Variants in DENND2C observed in about 807,000 individuals in gnomAD.
The protein encoded by DENND2C is DENN domain-containing protein 2C.
Under a neutral mutation model 112.4 loss-of-function variants are expected in DENND2C, and 72 were observed. That is an observed-to-expected ratio of 0.64 (90% CI 0.53 to 0.78). The LOEUF (loss-of-function observed/expected upper bound fraction) is 0.78. Ranked by LOEUF, DENND2C falls within the 30% of genes least tolerant of loss-of-function variation. The pLI is 0.00. For synonymous variants in DENND2C, 329 were observed against 381.6 expected, an observed-to-expected ratio of 0.86 and a Z score of 1.61; for missense variants, 992 against 1,113.8, an observed-to-expected ratio of 0.89 and a Z score of 1.56.
intron 4 of DENND2C, among the ~76,000 whole-genome samples, chr1:114,624,622 T>C (rs1656278747): frequency 1.3e-5 from 1 of 76,702 alleles, no homozygotes; most frequent in Admixed American, 1.2e-4. Context: ...TTTTCTTTTT[T>C]TCTTTTTTTT....
chr1:114,662,767 A>G (rs951745571), intron 1 of DENND2C, among the ~76,000 whole-genome samples: 2 of 152,096 alleles, frequency 1.3e-5, no homozygotes, highest in Non-Finnish European at 2.9e-5. Flanking sequence ...CCCAACCTAG[A>G]CAACGTATTG....
At chr1:114,613,852 A>C (rs1274272137) in intron 8 of DENND2C, among the ~76,000 whole-genome samples, 1 of 152,252 alleles carries the variant, frequency 6.6e-6, no homozygotes, top group Non-Finnish European at 1.5e-5. Flanking sequence ...GTCCTCTTTT[A>C]ATATGAGACT....
rs927955429 is a variant in DENND2C, at chr1:114,618,431, CCTT to C, written c.1276_1278del (p.Lys426del). The C allele has an allele frequency of 1.9e-6, 3 of 1,594,840 alleles. No individual in the cohort carries two copies. Among genetic ancestry groups the C allele is most frequent in the South Asian group, 1.1e-5 (1 of 87,432 alleles). On this transcript the variant is annotated inframe_deletion, in exon 8 of 21. Coordinates refer to ENST00000393274, the MANE Select transcript of DENND2C (RefSeq NM_001256404.2). ...TTTCCAGTGTAAGAATGTAACTTTA[CCTT>C]CTTCTTCCCTCTTTTAGATTCAAAT...
At chr1:114,617,436 G>A (rs558523943) in intron 8 of DENND2C, among the ~76,000 whole-genome samples, 32 of 152,112 alleles carry the variant, frequency 2.1e-4, no homozygotes, top group Non-Finnish European at 3.8e-4. Flanking sequence ...TCAGCCTCCT[G>A]AGTAGCTGGG....
Position 114,625,427 on chromosome 1 carries a change from T to C in DENND2C, c.558A>G (p.Gly186=), listed in dbSNP as rs1014766990. 15 of 1,614,056 alleles carry C rather than the reference T, an allele frequency of 9.3e-6. No individual in the cohort carries two copies. Among genetic ancestry groups the C allele is most frequent in the Non-Finnish European group, 3.4e-6 (4 of 1,180,038 alleles). ...AAATATTTTCTAAGCTCTTGGTTAT[T>C]CCGTATGAACTATCCAGAACTCTGA... ...LNFRVLDSSY[G]ITKSLENIYS... is the part of the protein sequence containing the mutation. The change falls in exon 4 of 21, where the codon GGA becomes GGG. Residue 186 remains glycine (G), a synonymous_variant. Coordinates refer to ENST00000393274, the MANE Select transcript of DENND2C (RefSeq NM_001256404.2).
At chr1:114,667,684 T>C (rs1411947705) in intron 1 of DENND2C, among the ~76,000 whole-genome samples, 1 of 152,200 alleles carries the variant, frequency 6.6e-6, no homozygotes, top group Non-Finnish European at 1.5e-5. Flanking sequence ...AAATAGTTTT[T>C]TATAGACCTC....
chr1:114,632,346 C>T (rs1170353522), intron 3 of DENND2C, among the ~76,000 whole-genome samples: 1 of 151,850 alleles, frequency 6.6e-6, no homozygotes, highest in Non-Finnish European at 1.5e-5. Context: ...AAGAAAGCCA[C>T]AAGGAAAACC....
At chr1:114,667,606 G>A (rs1384223470) in intron 1 of DENND2C, among the ~76,000 whole-genome samples, 1 of 151,966 alleles carries the variant, frequency 6.6e-6, no homozygotes, top group African/African-American at 2.4e-5. Context: ...TAATTACATC[G>A]TTTTAATTGC....
intron 1 of DENND2C, among the ~76,000 whole-genome samples, chr1:114,662,930 A>G (rs1019078540): frequency 3.3e-5 from 5 of 152,178 alleles, no homozygotes; most frequent in African/African-American, 1.2e-4. Flanking sequence ...ACTGCACTCC[A>G]GCCTGGGTGA....
chr1:114,618,518 A>AG (rs758282490), intron 7 of DENND2C, 36 bp from the exon 8 acceptor site: 1 of 1,346,776 alleles, frequency 7.4e-7, no homozygotes, highest in South Asian at 1.4e-5. Context: ...ATTAAGACCA[A>AG]CACCCAAAAG....
chr1:114,590,867 T>G (rs1337154294), intron 18 of DENND2C, among the ~76,000 whole-genome samples: 3 of 152,172 alleles, frequency 2.0e-5, no homozygotes, highest in Admixed American at 1.3e-4. Context: ...AACTACACTG[T>G]TGGGTTGTAG....
rs561626330 is a variant in DENND2C, at chr1:114,585,639, G to A, written c.2756-8C>T. 1.1e-4 allele frequency: 171 copies of A among 1,612,892 alleles called. No homozygotes were observed. Among genetic ancestry groups the A allele is most frequent in the Non-Finnish European group, 1.4e-4 (168 of 1,179,118 alleles). Reference sequence around the variant, plus strand: ...GAAATTTCATTTTGCTTCCTAAAGGGAAAGAAAAGTACAGTGAATGCTCAA... The same window carrying A: ...GAAATTTCATTTTGCTTCCTAAAGGAAAAGAAAAGTACAGTGAATGCTCAA... On this transcript the variant is annotated splice_region_variant and splice_polypyrimidine_tract_variant and intron_variant, in intron 20 of 20. Transcript: ENST00000393274.
At chr1:114,634,873 CA>C (rs1287281879) in intron 3 of DENND2C, among the ~76,000 whole-genome samples, 3 of 151,456 alleles carry the variant, frequency 2.0e-5, no homozygotes, top group Admixed American at 6.6e-5. Flanking sequence ...ATTAAAAATA[CA>C]AAAATTAGCC....
At chr1:114,600,746 G>A (rs1391532316) in intron 14 of DENND2C, 74 bp downstream of exon 14, 2 of 1,533,816 alleles carry the variant, frequency 1.3e-6, no homozygotes, top group East Asian at 2.3e-5. Context: ...ATCCCCTTGG[G>A]CTCTGGAAAC....
chr1:114,618,370 G>C lies in DENND2C; in HGVS notation c.1324+16C>G. The C allele has an allele frequency of 2.0e-6, 3 of 1,524,332 alleles. No individual in the cohort carries two copies. The South Asian group carries it at 3.7e-5, about 19-fold the overall frequency. 94.4% of individuals were successfully genotyped at this position (1,524,332 alleles called of 1,614,324 possible). A position where few individuals can be genotyped will look rare whatever the true frequency, so the allele number is the denominator to read the frequency against. ...CTGACAGCTACAGGATAGCTGGAAC[G>C]AAAAACAATTCTTACCTTTTGTCGG... On this transcript the variant is annotated intron_variant, in intron 8 of 20. Transcript: ENST00000393274.
At chr1:114,629,206 A>C (rs1207264639) in intron 3 of DENND2C, among the ~76,000 whole-genome samples, 1 of 152,050 alleles carries the variant, frequency 6.6e-6, no homozygotes, top group Non-Finnish European at 1.5e-5. Context: ...GGACAATCTC[A>C]ACAAAAGAAA....
chr1:114,641,596 C>G (rs75989803), intron 3 of DENND2C, among the ~76,000 whole-genome samples: 4,077 of 152,166 alleles, frequency 0.027, 196 homozygotes, highest in African/African-American at 0.093. Context: ...CCATGTGACA[C>G]GTCTCCTCCC....
intron 18 of DENND2C, among the ~76,000 whole-genome samples, chr1:114,590,002 T>C (rs1252998918): frequency 6.6e-6 from 1 of 152,214 alleles, no homozygotes; most frequent in Admixed American, 6.5e-5. Flanking sequence ...AAAACCCCAA[T>C]AGCATATTAG....
At chr1:114,598,616 T>C (rs939227412) in intron 16 of DENND2C, among the ~76,000 whole-genome samples, 3 of 152,188 alleles carry the variant, frequency 2.0e-5, no homozygotes, top group Admixed American at 2.0e-4. Flanking sequence ...ATTCTAATGC[T>C]CATTATGTAT....
Sources: allele counts gnomAD v4.1 joint callset (sites outside exome capture counted in the v4.1 genomes callset), GRCh38; gene constraint gnomAD v4.1.1; transcripts MANE v1.5; gene names NCBI Gene and HGNC (gene_info 2026-07-23, HGNC 2026-07-21).